Variants in RUNDC3B observed in about 807,000 individuals in gnomAD.
RUNDC3B encodes the protein RUN domain containing 3B.
A neutral mutation model predicts 58.4 loss-of-function variants in RUNDC3B; 33 were observed. The ratio of observed to expected loss-of-function variants is 0.56; its 90% confidence interval spans 0.43 to 0.75. The LOEUF is 0.75. RUNDC3B is among the 30% of genes least tolerant of loss of function. The pLI is 0.00. For synonymous variants in RUNDC3B, 193 were observed against 195.2 expected (o/e 0.99, Z 0.10); for missense variants, 501 against 535.7 (o/e 0.94, Z 0.64).
chr7:87,781,135 C>T (rs982458987), intron 8 of RUNDC3B, among the ~76,000 whole-genome samples: 6 of 152,000 alleles, frequency 3.9e-5, no homozygotes, highest in Admixed American at 2.6e-4. Flanking sequence ...AATATTTTTC[C>T]ATTTGTTTAT....
intron 2 of RUNDC3B, among the ~76,000 whole-genome samples, chr7:87,691,862 T>C (rs147838121): frequency 4.3e-4 from 66 of 152,304 alleles, no homozygotes; most frequent in Admixed American, 4.3e-3. Flanking sequence ...GAAAACCGAT[T>C]GCTGGGTCTT....
intron 9 of RUNDC3B, among the ~76,000 whole-genome samples, chr7:87,813,662 C>G (rs1836849698): frequency 6.6e-6 from 1 of 152,028 alleles, no homozygotes; most frequent in Non-Finnish European, 1.5e-5. Flanking sequence ...TTCCTATGTT[C>G]TTGCTTTCCT....
intron 6 of RUNDC3B, among the ~76,000 whole-genome samples, chr7:87,769,766 A>G (rs1473879511): frequency 6.6e-6 from 1 of 152,060 alleles, no homozygotes; most frequent in Non-Finnish European, 1.5e-5. Flanking sequence ...TAAGCCCTGC[A>G]TGCATTAGGT....
intron 2 of RUNDC3B, among the ~76,000 whole-genome samples, chr7:87,697,240 CA>C (rs1449745880): frequency 1.3e-5 from 2 of 152,174 alleles, no homozygotes. Flanking sequence ...TTGGCTAATA[CA>C]ATGTTGTATT....
At chr7:87,730,266 A>G (rs1831500522) in intron 4 of RUNDC3B, among the ~76,000 whole-genome samples, 1 of 151,796 alleles carries the variant, frequency 6.6e-6, no homozygotes, top group Non-Finnish European at 1.5e-5. Context: ...ATGTAGAGAA[A>G]CAAGTAGGTT....
intron 2 of RUNDC3B, among the ~76,000 whole-genome samples, chr7:87,675,117 C>G (rs1051043511): frequency 2.6e-5 from 4 of 152,200 alleles, no homozygotes; most frequent in African/African-American, 9.6e-5. Flanking sequence ...GTTCAACTTG[C>G]CTTTTCCCCA....
chr7:87,789,307 T>C (rs555700554), intron 8 of RUNDC3B, among the ~76,000 whole-genome samples: 1 of 152,346 alleles, frequency 6.6e-6, no homozygotes, highest in East Asian at 1.9e-4. Context: ...GTAAAGAAAC[T>C]GAAGTGTCAC....
chr7:87,650,697 T>C, intron 1 of RUNDC3B, 125 bp from the exon 2 acceptor site: 1 of 642,596 alleles, frequency 1.6e-6, no homozygotes, highest in Non-Finnish European at 2.8e-6. Flanking sequence ...AATGGGGTTT[T>C]TCAGATGTTA....
At chr7:87,685,204 A>G (rs1437958331) in intron 2 of RUNDC3B, among the ~76,000 whole-genome samples, 1 of 152,220 alleles carries the variant, frequency 6.6e-6, no homozygotes, top group African/African-American at 2.4e-5. Context: ...AAGGGATTGT[A>G]TGCATAATAT....
chr7:87,649,218 ACATGTTAAAACC>A (rs1221119349), intron 1 of RUNDC3B, among the ~76,000 whole-genome samples: 1 of 152,158 alleles, frequency 6.6e-6, no homozygotes, highest in East Asian at 1.9e-4. Flanking sequence ...ATGAATCTAC[ACATGTTAAAACC>A]CATAAACTAT....
At chr7:87,760,311 A>G (rs1310707572) in intron 6 of RUNDC3B, among the ~76,000 whole-genome samples, 7 of 152,114 alleles carry the variant, frequency 4.6e-5, no homozygotes, top group Non-Finnish European at 7.4e-5. Context: ...TTGATGCTAC[A>G]TTGTTTAGGG....
rs1441135943 is a variant in RUNDC3B, at chr7:87,831,299, TTATTA to T, written c.*1271_*1275del. ...TGAGGACTTCATATGGTTTTTTTGT[TTATTA>T]TTATTGAGAAAAGAGCTGAGGTTAC... On this transcript the variant is annotated 3_prime_UTR_variant, in exon 11 of 11. Transcript: ENST00000394654. The T allele has an allele frequency of 6.6e-6, 1 of 151,480 alleles. No homozygotes were observed. Among genetic ancestry groups the T allele is most frequent in the Admixed American group, 6.6e-5 (1 of 15,186 alleles). 9.4% of individuals were successfully genotyped at this position (151,480 alleles called of 1,614,324 possible).
chr7:87,662,769 G>A (rs1241081785), intron 2 of RUNDC3B, among the ~76,000 whole-genome samples: 1 of 151,904 alleles, frequency 6.6e-6, no homozygotes, highest in African/African-American at 2.4e-5. Context: ...TTTAGGATTG[G>A]TTTTTCTATT....
intron 2 of RUNDC3B, among the ~76,000 whole-genome samples, chr7:87,680,291 G>A (rs1288002340): frequency 2.0e-5 from 3 of 150,588 alleles, no homozygotes; most frequent in Admixed American, 6.6e-5. Context: ...AGACATTTGG[G>A]TTGGTTCCAA....
intron 10 of RUNDC3B, among the ~76,000 whole-genome samples, chr7:87,821,506 C>G (rs1204276381): frequency 6.6e-6 from 1 of 152,172 alleles, no homozygotes; most frequent in Non-Finnish European, 1.5e-5. Context: ...CATCAAGCTA[C>G]CAATGACTTT....
chr7:87,725,316 C>T (rs567753737), intron 4 of RUNDC3B, among the ~76,000 whole-genome samples: 2 of 152,256 alleles, frequency 1.3e-5, no homozygotes, highest in East Asian at 3.9e-4. Context: ...GTTCAATTCG[C>T]ACCTATAAGT....
chr7:87,708,196 C>A (rs114653646), intron 3 of RUNDC3B, among the ~76,000 whole-genome samples: 3,796 of 151,898 alleles, frequency 0.025, 63 homozygotes, highest in Middle Eastern at 0.066. Flanking sequence ...GAAAATCAAC[C>A]AAACTAAAAG....
chr7:87,706,599 G>T (rs1395270924), intron 3 of RUNDC3B, among the ~76,000 whole-genome samples: 1 of 152,190 alleles, frequency 6.6e-6, no homozygotes, highest in Non-Finnish European at 1.5e-5. Context: ...CAGTCCTGGA[G>T]AGATGGATAT....
At position 87,777,942 on chromosome 7, in the gene RUNDC3B, C is replaced by T; in HGVS notation, c.943C>T (p.Leu315Phe). The T allele has an allele frequency of 6.2e-7, 1 of 1,612,176 alleles. No homozygotes were observed. The highest frequency in any genetic ancestry group is 8.5e-7 in the Non-Finnish European group (1 of 1,179,064). Residue 315 changes from leucine (L) to phenylalanine (F), a missense_variant, in exon 8 of 11, where the codon CTT becomes TTT. Transcript: ENST00000394654. ...ACAATTAGAATATATAATTGTGGAG[C>T]TTCAAGATCAGCTGTAAGTACAAGC... ...KEQLEYIIVE[L>F]QDQLTVLKNN...
Sources: gnomAD v4.1 joint callset for allele counts (sites outside exome capture counted in the v4.1 genomes callset) on GRCh38, gnomAD v4.1.1 for gene constraint, MANE v1.5 for transcripts, NCBI Gene and HGNC (gene_info 2026-07-23, HGNC 2026-07-21) for gene names.